ZNF536: variants seen among roughly 807,000 people sequenced by gnomAD.
ZNF536 encodes the protein zinc finger protein 536.
ZNF536 carries 13 observed loss-of-function variants against 84.5 expected under a neutral mutation model. The ratio of observed to expected loss-of-function variants is 0.15; its 90% CI spans 0.10 to 0.24. The LOEUF is 0.24. Ranked by LOEUF, ZNF536 falls within the 10% of genes least tolerant of loss-of-function variation. The pLI is 1.00. For missense variants in ZNF536, 1,536 were observed against 1,747.5 expected (o/e 0.88, Z 2.16); for synonymous variants, 811 against 742.5 (o/e 1.09, Z -1.50).
At chr19:30,638,679 G>A (rs969579998) in intron 1 of ZNF536, among the ~76,000 whole-genome samples, 2 of 152,176 alleles carry the variant, frequency 1.3e-5, no homozygotes, top group African/African-American at 4.8e-5. Flanking sequence ...GGTGGGGACA[G>A]AGACCCAAAC....
intron 1 of ZNF536, among the ~76,000 whole-genome samples, chr19:30,601,231 C>T (rs1006149924): frequency 1.3e-5 from 2 of 152,218 alleles, no homozygotes; most frequent in Non-Finnish European, 2.9e-5. Context: ...TGACCATATT[C>T]TCCATTATCC....
rs761619375 is a variant in ZNF536 at position 30,444,957 on chromosome 19, G to T, written c.1395G>T (p.Ala465=). Residue 465 remains alanine (A), a synonymous_variant, in exon 2 of 5, where the codon GCG becomes GCT. Coordinates refer to ENST00000355537, the MANE Select transcript of ZNF536 (RefSeq NM_014717.3). The stretch of plus-strand genomic sequence containing the variant: ...AGCTGCCCATGAAGGAGAAGGAAGC[G>T]CTGGGGAAGCTGCTGTCTCCCATCT... ...KGELPMKEKE[A]LGKLLSPISS... 3.7e-6 allele frequency: 6 copies of T among 1,611,612 alleles called. No homozygotes were observed. Among genetic ancestry groups the T allele is most frequent in the South Asian group, 1.1e-5 (1 of 90,812 alleles).
intron 1 of ZNF536, among the ~76,000 whole-genome samples, chr19:30,707,605 C>T (rs1041673304): frequency 5.9e-5 from 9 of 152,118 alleles, no homozygotes; most frequent in Admixed American, 3.3e-4. Flanking sequence ...TTCTTAACTC[C>T]GAAGTCTGTA....
intron 2 of ZNF536, among the ~76,000 whole-genome samples, chr19:30,335,670 G>A (rs1166311264): frequency 6.6e-6 from 1 of 152,178 alleles, no homozygotes; most frequent in African/African-American, 2.4e-5. Context: ...GCCAACCCGG[G>A]TGGAGAAGCT....
chr19:30,481,030 A>T (rs1167091922), intron 2 of ZNF536, among the ~76,000 whole-genome samples: 1 of 94,482 alleles, frequency 1.1e-5, no homozygotes, highest in African/African-American at 9.0e-5. Flanking sequence ...CCCTGTCTCA[A>T]AAAAAAAAAA....
intron 2 of ZNF536, among the ~76,000 whole-genome samples, chr19:30,336,135 T>C (rs1039096848): frequency 1.3e-5 from 2 of 152,166 alleles, no homozygotes; most frequent in African/African-American, 4.8e-5. Flanking sequence ...AGACTGTATG[T>C]CCTATGCTGG....
chr19:30,235,151 TCTTG>T (rs1034810425), intron 1 of ZNF536, among the ~76,000 whole-genome samples: 2 of 152,154 alleles, frequency 1.3e-5, no homozygotes, highest in African/African-American at 4.8e-5. Flanking sequence ...GGGTGCATTA[TCTTG>T]CTTAGTTCTT....
chr19:30,538,096 A>G (rs1342314638), intron 3 of ZNF536, among the ~76,000 whole-genome samples: 2 of 152,216 alleles, frequency 1.3e-5, no homozygotes, highest in Admixed American at 1.3e-4. Context: ...CGTATTTGTT[A>G]ATAAGTGATT....
At chr19:30,582,375 CTTTTTTTTTTTT>C (rs35509271) in intron 1 of ZNF536, among the ~76,000 whole-genome samples, 1 of 89,174 alleles carries the variant, frequency 1.1e-5, no homozygotes, top group Admixed American at 1.5e-4. Flanking sequence ...CCTAGTTTCT[CTTTTTTTTTTTT>C]TTTTTTTTTT....
chr19:30,702,629 C>T (rs1435910476), intron 1 of ZNF536, among the ~76,000 whole-genome samples: 1 of 152,166 alleles, frequency 6.6e-6, no homozygotes, highest in African/African-American at 2.4e-5. Flanking sequence ...TCCTGTGTGC[C>T]TGGCCCCTGT....
chr19:30,490,785 A>G (rs1221172480), intron 2 of ZNF536, among the ~76,000 whole-genome samples: 1 of 152,236 alleles, frequency 6.6e-6, no homozygotes, highest in Non-Finnish European at 1.5e-5. Flanking sequence ...TTATTTTGGT[A>G]TAAGAAAAGA....
At chr19:30,691,880 G>A (rs2051424900) in intron 1 of ZNF536, among the ~76,000 whole-genome samples, 1 of 152,230 alleles carries the variant, frequency 6.6e-6, no homozygotes, top group African/African-American at 2.4e-5. Flanking sequence ...CAGAGGGAGA[G>A]AAAGGGCCAC....
At chr19:30,332,186 C>A (rs1050047458) in intron 2 of ZNF536, among the ~76,000 whole-genome samples, 3 of 152,102 alleles carry the variant, frequency 2.0e-5, no homozygotes, top group African/African-American at 7.2e-5. Flanking sequence ...CTCCTCTTTG[C>A]CCCCCGGCCT....
intron 2 of ZNF536, among the ~76,000 whole-genome samples, chr19:30,515,615 C>T (rs916969500): frequency 6.6e-6 from 1 of 152,092 alleles, no homozygotes; most frequent in Admixed American, 6.5e-5. Context: ...GGGGCTTTCT[C>T]GGTCTTATAC....
intron 1 of ZNF536, among the ~76,000 whole-genome samples, chr19:30,235,155 G>A (rs2144728101): frequency 6.6e-6 from 1 of 152,282 alleles, no homozygotes; most frequent in East Asian, 1.9e-4. Flanking sequence ...GCATTATCTT[G>A]CTTAGTTCTT....
At chr19:30,713,433 G>C (rs1714476482) in exon 2 of ZNF536, 1 of 152,182 alleles carries the variant, frequency 6.6e-6, no homozygotes, top group African/African-American at 2.4e-5. Flanking sequence ...GTAACAAGTA[G>C]AAAACTTTGT....
chr19:30,425,812 A>C (rs1174801942), intron 1 of ZNF536, among the ~76,000 whole-genome samples: 1 of 152,134 alleles, frequency 6.6e-6, no homozygotes, highest in Non-Finnish European at 1.5e-5. Flanking sequence ...CATCTCACCC[A>C]AGCTGCAGGA....
At position 30,705,688 on chromosome 19, in the gene ZNF536, T is replaced by A. The variant is rs185103240; in HGVS notation, c.170-5069T>A. ...GGGTCTTTAGGTACTATCAGTATTA[T>A]CTACAAAGCTTCTACTTACTAGATA... On this transcript the variant is annotated intron_variant, in intron 1 of 1. Transcript: ENST00000592773. Among the ~76,000 whole-genome samples the A allele has an allele frequency of 1.7e-4, 26 of 152,346 alleles. No individual in the cohort carries two copies. In the East Asian group the frequency reaches 4.6e-3, roughly 27 times the overall value.
At chr19:30,390,876 G>A (rs1054482315) in intron 1 of ZNF536, among the ~76,000 whole-genome samples, 4 of 152,218 alleles carry the variant, frequency 2.6e-5, no homozygotes, top group African/African-American at 9.7e-5. Flanking sequence ...GACCTTGGGA[G>A]CATCTATTCC....
Sources: allele counts gnomAD v4.1 joint callset (sites outside exome capture counted in the v4.1 genomes callset), GRCh38; gene constraint gnomAD v4.1.1; transcripts MANE v1.5; gene names NCBI Gene and HGNC (gene_info 2026-07-23, HGNC 2026-07-21).